CPLANE1: variants seen among roughly 807,000 people sequenced by gnomAD.
CPLANE1 encodes the protein ciliogenesis and planar polarity effector 1.
Under a neutral mutation model 362.5 loss-of-function variants are expected in CPLANE1, and 263 were observed. The ratio of observed to expected loss-of-function variants is 0.73; its 90% CI spans 0.66 to 0.80. The LOEUF (loss-of-function observed/expected upper bound fraction) is 0.80, where lower values mean the gene tolerates loss of function less well. Among genes scored for constraint, CPLANE1 ranks in the 30% least tolerant of loss-of-function variants. The probability of loss-of-function intolerance (pLI) is 0.00; values close to 1 mark genes in which losing one functional copy is unlikely to be tolerated. For synonymous variants in CPLANE1, 1,212 were observed against 1,302.6 expected (o/e 0.93, Z 1.50); for missense variants, 3,461 against 3,793.4 (o/e 0.91, Z 2.30).
intron 41 of CPLANE1, 105 bp downstream of exon 41, chr5:37,157,208 G>A (rs1775369689): frequency 4.1e-6 from 2 of 487,306 alleles, no homozygotes; most frequent in South Asian, 3.6e-5. Context: ...CTTAGCAAGG[G>A]ACAACCCTTT....
At position 37,157,932 on chromosome 5, in the gene CPLANE1, C is replaced by CAAA. The variant is rs1157107088; in HGVS notation, c.7813-67_7813-65dup. On this transcript the variant is annotated intron_variant, in intron 39 of 52. Transcript: ENST00000651892. Reference sequence around the variant, plus strand: ...TTTTTACTCTATGTGGTCACTCCGCCAAAAAAAAAAAAAAAAAAAAAAAAA... The same window carrying CAAA: ...TTTTTACTCTATGTGGTCACTCCGCCAAAAAAAAAAAAAAAAAAAAAAAAAAAA... 3.7e-3 allele frequency: 248 copies of CAAA among 67,834 alleles called. 1 individual carries two copies. The highest frequency in any genetic ancestry group is 7.3e-3 in the South Asian group (29 of 3,952). 4.2% of individuals were successfully genotyped at this position (67,834 alleles called of 1,614,324 possible).
Position 37,209,278 on chromosome 5 carries a change from C to T in CPLANE1, c.2921-2853G>A, listed in dbSNP as rs977144971. On this transcript the variant is annotated intron_variant, in intron 16 of 52. Transcript: ENST00000651892. The surrounding 1 kb of genome is among the most constrained non-coding windows in gnomAD (Gnocchi z 4.6). ...GCTCTGGAGGGCAGGGATTCCCCCT[C>T]GTCTTGGCCCTACAGCCCCAGCTGG... is the stretch of plus-strand genomic sequence containing the variant. 9.7e-6 allele frequency: 7 copies of T among 723,196 alleles called. No homozygotes were observed. The highest frequency in any genetic ancestry group is 2.9e-5 in the South Asian group (2 of 68,330). The allele number at this position is 723,196 out of a possible 1,614,324, so 44.8% of individuals were successfully genotyped here.
In CPLANE1 at chr5:37,196,822, G is replaced by A. The variant is rs375046926; in HGVS notation, c.3673-826C>T. ...CGCCTGTAGTCCCAGGTACTCAGGA[G>A]GCTGAGGCAGGAGAATCACTTAAAC... On this transcript the variant is annotated intron_variant, in intron 20 of 52. Coordinates refer to ENST00000651892, the MANE Select transcript of CPLANE1 (RefSeq NM_001384732.1). 6.6e-4 allele frequency among the ~76,000 whole-genome samples: 101 copies of A among 152,240 alleles called. 4 individuals carry two copies. In the South Asian group the frequency reaches 0.021, roughly 31 times the overall value.
At chr5:37,098,923 C>CAAAAAAAAAAAAAA in the CPLANE1 span, among the ~76,000 whole-genome samples, 1 of 52,076 alleles carries the variant, frequency 1.9e-5, no homozygotes, top group Non-Finnish European at 3.9e-5. Context: ...ATGCCTACAT[C>CAAAAAAAAAAAAAA]AAAAAAAAAA....
intron 30 of CPLANE1, among the ~76,000 whole-genome samples, chr5:37,176,855 G>GT (rs534096738): frequency 2.7e-3 from 402 of 151,652 alleles, no homozygotes; most frequent in Middle Eastern, 6.8e-3. Flanking sequence ...GCCTCCCCGG[G>GT]TCATGCCATT....
chr5:37,096,842 A>C, the CPLANE1 span, among the ~76,000 whole-genome samples: 6 of 152,348 alleles, frequency 3.9e-5, no homozygotes, highest in African/African-American at 1.4e-4. Flanking sequence ...TGCAAATCAG[A>C]AGCACAATGC....
At chr5:37,243,282 C>G (rs1581042380) in intron 5 of CPLANE1, among the ~76,000 whole-genome samples, 163 bp from the exon 6 acceptor site, 1 of 151,954 alleles carries the variant, frequency 6.6e-6, no homozygotes, top group East Asian at 1.9e-4. Context: ...TAATTTTTTT[C>G]TGAGCCAGAG....
At chr5:37,238,658 G>A (rs535661413) in intron 8 of CPLANE1, among the ~76,000 whole-genome samples, 199 bp downstream of exon 8, 77 of 150,990 alleles carry the variant, frequency 5.1e-4, no homozygotes, top group South Asian at 1.1e-3. Context: ...ACCATGCTCG[G>A]CTAATTTCTT....
the CPLANE1 span, among the ~76,000 whole-genome samples, chr5:37,075,819 A>T: frequency 0.045 from 6,796 of 152,268 alleles, 182 homozygotes; most frequent in Non-Finnish European, 0.07. Flanking sequence ...GGCAAGGCAG[A>T]TACTTACTTA....
At position 37,153,868 on chromosome 5, in the gene CPLANE1, G is replaced by A; in HGVS notation, c.8245C>T (p.His2749Tyr). ...AACPAPSSAA[H>Y]QLEHLSAKLQ... ...TTAGCACTGAGATGCTCTAGTTGGT[G>A]AGCTGCAGAGCTTGGTGCAGGGCAA... Residue 2749 changes from histidine to tyrosine, a missense_variant, in exon 42 of 53, where the codon CAC becomes TAC. By Grantham distance (83) the His-to-Tyr change is moderately conservative. Coordinates refer to ENST00000651892, the MANE Select transcript of CPLANE1 (RefSeq NM_001384732.1). The A allele has an allele frequency of 6.2e-7, 1 of 1,614,100 alleles. No homozygotes were observed. Among genetic ancestry groups the A allele is most frequent in the South Asian group, 1.1e-5 (1 of 91,078 alleles).
Position 37,206,360 on chromosome 5 carries a change from G to T in CPLANE1, c.2986C>A (p.Leu996Ile). ...KVASVVRDQN[L>I]SNVWTVEYAL... ...TATTCAACTGTCCACACATTAGAGA[G>T]ATTCTGATCTCTAACAACACTGGCC... The change falls in exon 17 of 53, where the codon CTC (leucine) becomes ATC (isoleucine). Residue 996 changes from leucine (L) to isoleucine (I), a missense_variant. Physicochemically the swap from Leu to Ile is conservative, Grantham distance 5. This residue lies in a region of CPLANE1 where 3,380 missense variants were observed against 3,666.1 expected (regional missense o/e 0.92). Coordinates refer to ENST00000651892, the MANE Select transcript of CPLANE1 (RefSeq NM_001384732.1). 1 of 1,551,556 alleles carries T rather than the reference G, an allele frequency of 6.4e-7. No homozygotes were observed. The highest frequency in any genetic ancestry group is 8.7e-7 in the Non-Finnish European group (1 of 1,146,814).
At position 37,183,291 on chromosome 5, in the gene CPLANE1, T is replaced by C. The variant is rs1387830717; in HGVS notation, c.4890A>G (p.Lys1630=). 6.2e-7 allele frequency: 1 copy of C among 1,613,520 alleles called. No homozygotes were observed. Among genetic ancestry groups the C allele is most frequent in the Admixed American group, 1.7e-5 (1 of 59,958 alleles). The change falls in exon 26 of 53, where the codon AAA becomes AAG. Residue 1630 remains lysine, a synonymous_variant. Transcript: ENST00000651892. ...CATATTCATCATTTAAAGAGGATGA[T>C]TTTTCTGATTCATAGGACTCAGGAG... ...VVAPESYESE[K]SSSLNDEYGM... is the part of the protein sequence containing the mutation.
Position 37,209,763 on chromosome 5 carries a change from GA to G in CPLANE1, c.2921-3339del. The G allele has an allele frequency of 1.4e-5, 18 of 1,271,294 alleles. No homozygotes were observed. The highest frequency in any genetic ancestry group is 2.0e-5 in the Non-Finnish European group (17 of 870,546). 78.8% of individuals were successfully genotyped at this position (1,271,294 alleles called of 1,614,324 possible). A position where few individuals can be genotyped will look rare whatever the true frequency, so the allele number is the denominator to read the frequency against. ...ATCACTGGTTTCAGGAGCTGATAAA[GA>G]AAACCAAAAAGGTTTTCTTATGCAT... On this transcript the variant is annotated intron_variant, in intron 16 of 52. Transcript: ENST00000651892. The surrounding 1 kb of genome is among the most constrained non-coding windows in gnomAD (Gnocchi z 4.6).
intron 7 of CPLANE1, among the ~76,000 whole-genome samples, chr5:37,239,475 T>TG (rs986106957): frequency 6.8e-6 from 1 of 147,618 alleles, no homozygotes; most frequent in Non-Finnish European, 1.5e-5. Context: ...CTCAGCTACT[T>TG]GGGGGGCTGA....
rs1050907613 is a variant in CPLANE1 at position 37,212,111 on chromosome 5, G to C, written c.2920+1448C>G. The C allele has an allele frequency of 1.3e-5, 12 of 938,622 alleles. No individual in the cohort carries two copies. In the African/African-American group the frequency reaches 2.0e-4, roughly 15 times the overall value. The allele number at this position is 938,622 out of a possible 1,614,324, so 58.1% of individuals were successfully genotyped here. ...GGGAAAGAAGAGAACTAGAAAAACT[G>C]TATCAGGAAAGGAGGATGACTGAAG... On this transcript the variant is annotated intron_variant, in intron 16 of 52. Transcript: ENST00000651892.
intron 2 of CPLANE1, among the ~76,000 whole-genome samples, chr5:37,246,727 G>A (rs913681207): frequency 6.6e-5 from 10 of 152,032 alleles, no homozygotes; most frequent in Non-Finnish European, 8.8e-5. Flanking sequence ...CCAACATGGT[G>A]AAACCCCTAG....
intron 42 of CPLANE1, among the ~76,000 whole-genome samples, chr5:37,149,081 GGT>G (rs375519014): frequency 2.8e-4 from 42 of 151,426 alleles, no homozygotes; most frequent in African/African-American, 9.4e-4. Flanking sequence ...AGCAAATTGT[GGT>G]GTGTGTGTGT....
At chr5:37,193,889 G>A (rs1027867667) in intron 21 of CPLANE1, among the ~76,000 whole-genome samples, 10 of 150,882 alleles carry the variant, frequency 6.6e-5, no homozygotes, top group Non-Finnish European at 1.3e-4. Flanking sequence ...ACAGGCATAA[G>A]CCACCGCACC....
At chr5:37,162,648 A>G (rs1192686906) in intron 37 of CPLANE1, 82 bp from the exon 38 acceptor site, 1 of 903,422 alleles carries the variant, frequency 1.1e-6, no homozygotes, top group East Asian at 2.5e-5. Context: ...ACCTAACTCA[A>G]TGGAAGTAAA....
Sources: allele counts gnomAD v4.1 joint callset (sites outside exome capture counted in the v4.1 genomes callset), GRCh38; gene constraint gnomAD v4.1.1; regional missense constraint gnomAD v4.1.1; non-coding constraint Gnocchi (gnomAD v3.1); transcripts MANE v1.5; gene names NCBI Gene and HGNC (gene_info 2026-07-23, HGNC 2026-07-21).